Variants in TBXAS1 observed in about 807,000 individuals in gnomAD.
TBXAS1 encodes thromboxane A synthase 1.
TBXAS1 carries 48 observed loss-of-function variants against 60.7 expected under a neutral mutation model. That is an observed-to-expected ratio of 0.79 (90% CI 0.63 to 1.01). The LOEUF (loss-of-function observed/expected upper bound fraction) is 1.01, where lower values mean the gene tolerates loss of function less well. TBXAS1 is among the 50% of genes least tolerant of loss of function. The pLI, the probability that TBXAS1 is intolerant of heterozygous loss-of-function variation, is 0.00. For synonymous variants in TBXAS1, 287 were observed against 269.7 expected (o/e 1.06, Z -0.63); for missense variants, 685 against 686.3 (o/e 1.00, Z 0.02).
chr7:139,871,820 G>A (rs1018986900), intron 1 of TBXAS1, among the ~76,000 whole-genome samples: 1 of 152,214 alleles, frequency 6.6e-6, no homozygotes, highest in Non-Finnish European at 1.5e-5. Context: ...ACACACATTT[G>A]CACAGGGAGC....
At chr7:139,850,315 A>G (rs550511259) in intron 1 of TBXAS1, among the ~76,000 whole-genome samples, 2 of 152,362 alleles carry the variant, frequency 1.3e-5, no homozygotes, top group East Asian at 3.9e-4. Flanking sequence ...AAACAACTAA[A>G]ATATAGACTA....
At chr7:139,780,017 C>T (rs1408685613) in intron 1 of TBXAS1, among the ~76,000 whole-genome samples, 2 of 152,198 alleles carry the variant, frequency 1.3e-5, no homozygotes, top group Admixed American at 6.5e-5. Flanking sequence ...CCCGAGATAG[C>T]GTGGGAGTAA....
At chr7:139,922,321 C>T (rs12531577) in intron 4 of TBXAS1, among the ~76,000 whole-genome samples, 8,504 of 152,034 alleles carry the variant, frequency 0.056, 354 homozygotes, top group Admixed American at 0.12. Context: ...AGGTTGGTCT[C>T]GAATTCCTGA....
At chr7:139,855,191 A>G (rs1800496925) in intron 1 of TBXAS1, among the ~76,000 whole-genome samples, 1 of 152,154 alleles carries the variant, frequency 6.6e-6, no homozygotes, top group Non-Finnish European at 1.5e-5. Context: ...AGCTTCCATA[A>G]CTGTAAGAAA....
rs35801234 is a variant in TBXAS1 at position 139,785,468 on chromosome 7, CGTT to C, written c.-168-1851_-168-1849del. Among the ~76,000 whole-genome samples, 9 of 148,042 alleles carry C rather than the reference CGTT, an allele frequency of 6.1e-5. No individual in the cohort carries two copies. In the East Asian group the frequency reaches 9.8e-4, roughly 16 times the overall value. ...GGTCAACTGCCAGGACCCATTGTTTCGTTGTTGTTGTTGTTGTTGTTTTTTGTG... is the reference window on the plus strand; with the variant it reads ...GGTCAACTGCCAGGACCCATTGTTTCGTTGTTGTTGTTGTTGTTTTTTGTG... On this transcript the variant is annotated intron_variant, in intron 3 of 16. Coordinates refer to the TBXAS1 transcript ENST00000336425.
At chr7:139,904,157 C>G (rs1804790740) in intron 3 of TBXAS1, among the ~76,000 whole-genome samples, 1 of 151,990 alleles carries the variant, frequency 6.6e-6, no homozygotes, top group Admixed American at 6.5e-5. Flanking sequence ...GTTTATTCTC[C>G]TACATGTGGC....
chr7:139,845,116 G>A (rs1799711466), intron 1 of TBXAS1, among the ~76,000 whole-genome samples: 1 of 152,128 alleles, frequency 6.6e-6, no homozygotes, highest in Non-Finnish European at 1.5e-5. Flanking sequence ...CTGCAGTTGA[G>A]GACTTCAAAA....
At chr7:139,924,319 T>C (rs1238893642) in intron 4 of TBXAS1, among the ~76,000 whole-genome samples, 1 of 151,948 alleles carries the variant, frequency 6.6e-6, no homozygotes, top group Non-Finnish European at 1.5e-5. Flanking sequence ...CTTGTGTTAT[T>C]GCCTGTCTTT....
rs1814792709 is a variant in TBXAS1, at chr7:140,013,669, G to A, written c.1227-2054G>A. Among the ~76,000 whole-genome samples, 1 of 152,218 alleles carries A rather than the reference G, an allele frequency of 6.6e-6. No homozygotes were observed. The highest frequency in any genetic ancestry group is 2.4e-5 in the African/African-American group (1 of 41,456). ...GGAAGGTGGTTCAGATTGTTCACAA[G>A]CTGCAGTGGCTCCAGCAGTCAGATT... On this transcript the variant is annotated intron_variant, in intron 10 of 12. Transcript: ENST00000448866. This position sits in a 1 kb window ranked among gnomAD's most constrained non-coding sequence, Gnocchi z 4.2.
At chr7:139,800,889 C>T (rs1221656045) in intron 4 of TBXAS1, among the ~76,000 whole-genome samples, 1 of 152,166 alleles carries the variant, frequency 6.6e-6, no homozygotes, top group Non-Finnish European at 1.5e-5. Flanking sequence ...TCATTCAACT[C>T]CATCCAAACT....
intron 3 of TBXAS1, among the ~76,000 whole-genome samples, chr7:139,882,248 T>C (rs1473172263): frequency 6.6e-6 from 1 of 152,212 alleles, no homozygotes; most frequent in African/African-American, 2.4e-5. Context: ...CTGTTGGACA[T>C]GTTTGTTCTT....
chr7:139,962,379 C>T (rs950586852), intron 9 of TBXAS1, 146 bp downstream of exon 9: 4 of 1,003,830 alleles, frequency 4.0e-6, no homozygotes, highest in South Asian at 1.5e-5. Flanking sequence ...TTGGCTTCTC[C>T]TGCTCTCCGG....
At chr7:139,833,420 T>C (rs1798838860) in intron 1 of TBXAS1, among the ~76,000 whole-genome samples, 1 of 149,392 alleles carries the variant, frequency 6.7e-6, no homozygotes, top group Non-Finnish European at 1.5e-5. Flanking sequence ...TGGTGGCTCA[T>C]GCCTGTAATC....
chr7:139,984,614 AAGAGAG>A lies in TBXAS1; in HGVS notation c.1134+22405_1134+22410del, dbSNP rs748137753. Among the ~76,000 whole-genome samples the A allele has an allele frequency of 1.2e-3, 77 of 65,614 alleles. 4 individuals are homozygous for A. The highest frequency in any genetic ancestry group is 6.8e-3 in the South Asian group (11 of 1,626). 43.0% of individuals were successfully genotyped at this position (65,614 alleles called of 152,430 possible). ...ATCAAAAATAAAAAAATAAGAAAGA[AAGAGAG>A]AGAGAGAGAGAGAGAGAGAGAGAAA... On this transcript the variant is annotated intron_variant, in intron 9 of 12. Coordinates refer to ENST00000448866, the MANE Select transcript of TBXAS1 (RefSeq NM_001061.7).
intron 4 of TBXAS1, among the ~76,000 whole-genome samples, chr7:139,929,135 CATAA>C (rs1208084634): frequency 2.6e-5 from 4 of 152,198 alleles, no homozygotes; most frequent in Non-Finnish European, 5.9e-5. Context: ...AAAGCTGTGT[CATAA>C]ATAAAGTTTT....
chr7:139,820,899 C>T (rs898419391), intron 4 of TBXAS1, among the ~76,000 whole-genome samples: 2 of 152,128 alleles, frequency 1.3e-5, no homozygotes, highest in African/African-American at 4.8e-5. Flanking sequence ...AACCATGGAG[C>T]TGATATTTGG....
At chr7:139,981,638 A>G (rs1179902406) in intron 9 of TBXAS1, among the ~76,000 whole-genome samples, 1 of 152,248 alleles carries the variant, frequency 6.6e-6, no homozygotes, top group Non-Finnish European at 1.5e-5. Flanking sequence ...AAAGGCAGAG[A>G]CAGTCTCCCC....
At chr7:139,781,043 G>A (rs956656803) in intron 2 of TBXAS1, among the ~76,000 whole-genome samples, 11 of 152,174 alleles carry the variant, frequency 7.2e-5, no homozygotes, top group Admixed American at 5.9e-4. Context: ...CATAAGAAGG[G>A]AACAATCTTG....
chr7:139,934,080 T>G (rs955521931), intron 4 of TBXAS1, among the ~76,000 whole-genome samples: 2 of 152,202 alleles, frequency 1.3e-5, no homozygotes, highest in African/African-American at 4.8e-5. Context: ...AGAAATACAC[T>G]TTCCCTCCAG....
Sources: allele counts gnomAD v4.1 joint callset (sites outside exome capture counted in the v4.1 genomes callset), GRCh38; gene constraint gnomAD v4.1.1; non-coding constraint Gnocchi (gnomAD v3.1); transcripts MANE v1.5; gene names NCBI Gene and HGNC (gene_info 2026-07-23, HGNC 2026-07-21).